Variants in PCDHA4 observed in about 807,000 individuals in gnomAD.
The protein encoded by PCDHA4 is protocadherin alpha-4.
In PCDHA4, 49 loss-of-function variants were observed where a neutral mutation model predicts 61.4. The observed-to-expected ratio is 0.80, with a 90% CI of 0.63 to 1.01. The LOEUF (loss-of-function observed/expected upper bound fraction) is 1.01, where lower values mean the gene tolerates loss of function less well. Ranked by LOEUF, PCDHA4 falls within the 50% of genes least tolerant of loss-of-function variation. The pLI is 0.00. For synonymous variants in PCDHA4, 590 were observed against 550.3 expected (o/e 1.07, Z -1.01); for missense variants, 1,254 against 1,235.8 (o/e 1.01, Z -0.22).
chr5:140,828,715 C>T, intron 1 of PCDHA4: 1 of 1,614,274 alleles, frequency 6.2e-7, no homozygotes, highest in Non-Finnish European at 8.5e-7. Flanking sequence ...CTCCTGCACA[C>T]AACTTATTCC....
At chr5:140,856,117 G>A in intron 1 of PCDHA4, 1 of 1,598,170 alleles carries the variant, frequency 6.3e-7, no homozygotes, top group East Asian at 2.2e-5. Context: ...TCGCAGCCTG[G>A]GAGGTGGGGA....
rs1215014992 is a variant in PCDHA4, at chr5:140,859,892, AT to A, written c.2385+50321del. 2.6e-5 allele frequency: 4 copies of A among 152,144 alleles called. No individual in the cohort carries two copies. The East Asian group carries it at 7.7e-4, about 29-fold the overall frequency. The allele number at this position is 152,144 out of a possible 1,614,324, so 9.4% of individuals were successfully genotyped here. On this transcript the variant is annotated intron_variant, in intron 1 of 3. Transcript: ENST00000530339. ...TCCCCCTCTGATATTTTGAAAAAAAATCTTCCTTAATGTCTTATATTATAAG... is the reference window on the plus strand; with the variant it reads ...TCCCCCTCTGATATTTTGAAAAAAAACTTCCTTAATGTCTTATATTATAAG...
intron 1 of PCDHA4, chr5:140,863,417 G>T (rs182048002): frequency 3.6e-5 from 25 of 701,046 alleles, no homozygotes; most frequent in South Asian, 3.2e-4. Flanking sequence ...CTGGTGTACC[G>T]CAGCGTAGTG....
At chr5:140,830,276 G>T (rs782590903) in intron 1 of PCDHA4, 2 of 1,613,712 alleles carry the variant, frequency 1.2e-6, no homozygotes, top group Non-Finnish European at 1.7e-6. Context: ...GCCACCCACC[G>T]AGGGCGCGTG....
intron 1 of PCDHA4, chr5:140,862,170 GC>G (rs2047237372): frequency 6.1e-6 from 1 of 164,918 alleles, no homozygotes; most frequent in Non-Finnish European, 1.3e-5. Flanking sequence ...TCAAATACAG[GC>G]AGTTGACACA....
chr5:140,956,921 G>T (rs2095321008), intron 1 of PCDHA4, among the ~76,000 whole-genome samples: 1 of 151,968 alleles, frequency 6.6e-6, no homozygotes, highest in Admixed American at 6.6e-5. Context: ...CTTTAATCTT[G>T]CTGGATATAG....
intron 3 of PCDHA4, among the ~76,000 whole-genome samples, chr5:141,006,729 T>A (rs1554260883): frequency 2.0e-5 from 3 of 151,948 alleles, no homozygotes; most frequent in Non-Finnish European, 4.4e-5. Flanking sequence ...AAATGACAGG[T>A]CTTGATGATG....
intron 1 of PCDHA4, chr5:140,829,821 T>C (rs2150175434): frequency 1.2e-6 from 2 of 1,613,858 alleles, no homozygotes; most frequent in South Asian, 2.2e-5. Flanking sequence ...GGTGGTGCAG[T>C]GAGCGAGCTG....
At chr5:140,889,257 A>G (rs946372435) in intron 1 of PCDHA4, among the ~76,000 whole-genome samples, 1 of 151,854 alleles carries the variant, frequency 6.6e-6, no homozygotes, top group Non-Finnish European at 1.5e-5. Flanking sequence ...TTTCCTGTAA[A>G]AGTTTGTATA....
At chr5:140,830,165 G>T (rs781932240) in intron 1 of PCDHA4, 1 of 1,613,446 alleles carries the variant, frequency 6.2e-7, no homozygotes, top group Non-Finnish European at 8.5e-7. Flanking sequence ...CCCAGAGGCG[G>T]CGCTGGTGGA....
At chr5:140,860,793 A>G (rs1012928413) in intron 1 of PCDHA4, 3 of 152,166 alleles carry the variant, frequency 2.0e-5, no homozygotes, top group Non-Finnish European at 4.4e-5. Context: ...GCTGGAGTGC[A>G]GTGGCACGAT....
intron 1 of PCDHA4, among the ~76,000 whole-genome samples, chr5:140,971,546 A>G (rs1236125448): frequency 6.6e-6 from 1 of 152,146 alleles, no homozygotes; most frequent in African/African-American, 2.4e-5. Context: ...TGCCAGATCA[A>G]CCTGTTAAAT....
chr5:140,877,156 G>A (rs1471783281), intron 1 of PCDHA4: 1 of 1,613,692 alleles, frequency 6.2e-7, no homozygotes, highest in Admixed American at 1.7e-5. Context: ...GAACGACAAC[G>A]CGCCGGCACT....
At chr5:140,841,820 G>A in intron 1 of PCDHA4, 2 of 1,613,910 alleles carry the variant, frequency 1.2e-6, no homozygotes, top group Non-Finnish European at 1.7e-6. Context: ...AGCTAACTCC[G>A]TGTTAACCTA....
intron 3 of PCDHA4, among the ~76,000 whole-genome samples, chr5:140,995,268 C>G (rs2097673323): frequency 6.6e-6 from 1 of 152,110 alleles, no homozygotes; most frequent in Non-Finnish European, 1.5e-5. Flanking sequence ...AATACAAGCC[C>G]TTTGATACCA....
At chr5:140,874,058 T>C (rs1454224127) in intron 1 of PCDHA4, among the ~76,000 whole-genome samples, 1 of 152,234 alleles carries the variant, frequency 6.6e-6, no homozygotes, top group African/African-American at 2.4e-5. Context: ...TTAGACAATT[T>C]AAATAATTAG....
At position 140,807,948 on chromosome 5, in the gene PCDHA4, A is replaced by G. The variant is rs1046867611; in HGVS notation, c.761A>G (p.Asn254Ser). ...ATTTATAAGGTGAGATTACTAGAAAATGTTCCTAATGGAACATTGGTAATT... is the reference window on the plus strand; with the variant it reads ...ATTTATAAGGTGAGATTACTAGAAAGTGTTCCTAATGGAACATTGGTAATT... The part of the protein sequence containing the change: ...RTIYKVRLLE[N>S]VPNGTLVIKL... The change falls in exon 1 of 4, where the codon AAT becomes AGT. Residue 254 changes from asparagine to serine, a missense_variant. By Grantham distance (46) the Asn-to-Ser change is conservative. Transcript: ENST00000530339. 2 of 1,614,124 alleles carry G rather than the reference A, an allele frequency of 1.2e-6. No individual in the cohort carries two copies. The highest frequency in any genetic ancestry group is 2.2e-5 in the East Asian group (1 of 44,884).
At chr5:140,828,391 G>A in intron 1 of PCDHA4, 4 of 1,614,294 alleles carry the variant, frequency 2.5e-6, no homozygotes, top group Non-Finnish European at 3.4e-6. Flanking sequence ...GGCGGAGCGC[G>A]GAGTGCAGCA....
chr5:140,953,576 C>T (rs1466296429), intron 1 of PCDHA4, among the ~76,000 whole-genome samples: 1 of 152,090 alleles, frequency 6.6e-6, no homozygotes, highest in Non-Finnish European at 1.5e-5. Flanking sequence ...CCTCCTCTCC[C>T]AAAACTGCCT....
Sources: allele counts gnomAD v4.1 joint callset (sites outside exome capture counted in the v4.1 genomes callset), GRCh38; gene constraint gnomAD v4.1.1; transcripts MANE v1.5; gene names NCBI Gene and HGNC (gene_info 2026-07-23, HGNC 2026-07-21).